Variants in FBXO38 observed in about 807,000 individuals in gnomAD.
The protein encoded by FBXO38 is F-box protein 38, also known as F-box only protein 38.
FBXO38 carries 53 observed loss-of-function variants against 131.9 expected under a neutral mutation model. That is an observed-to-expected ratio of 0.40 (90% CI 0.32 to 0.51). The LOEUF is 0.51. Among genes scored for constraint, FBXO38 ranks in the 20% least tolerant of loss-of-function variants. The probability of loss-of-function intolerance (pLI) is 0.53; values close to 1 mark genes in which losing one functional copy is unlikely to be tolerated. For synonymous variants in FBXO38, 452 were observed against 505.6 expected, an observed-to-expected ratio of 0.89 and a Z score of 1.42; for missense variants, 1,076 against 1,475.6, an observed-to-expected ratio of 0.73 and a Z score of 4.44.
chr5:148,424,177 G>A, intron 13 of FBXO38, 60 bp downstream of exon 13: 1 of 1,526,546 alleles, frequency 6.6e-7, no homozygotes, highest in Non-Finnish European at 8.9e-7. Context: ...CTGTAATGAA[G>A]TACATGAGAC....
At chr5:148,392,504 T>C (rs2113494900) in intron 1 of FBXO38, among the ~76,000 whole-genome samples, 1 of 151,932 alleles carries the variant, frequency 6.6e-6, no homozygotes, top group Admixed American at 6.6e-5. Context: ...AAATTTCTGA[T>C]AGGCAGAGGA....
chr5:148,434,293 T>C (rs569867779), intron 17 of FBXO38: 8 of 152,306 alleles, frequency 5.3e-5, no homozygotes, highest in African/African-American at 1.9e-4. Flanking sequence ...AGTGCACCTT[T>C]TATGTCTTTC....
At chr5:148,438,100 G>C (rs1754455485) in intron 17 of FBXO38, among the ~76,000 whole-genome samples, 1 of 152,054 alleles carries the variant, frequency 6.6e-6, no homozygotes, top group Non-Finnish European at 1.5e-5. Flanking sequence ...CTGAGACTTG[G>C]TTTTCTTAAC....
At chr5:148,433,011 G>A (rs1754123089) in intron 15 of FBXO38, among the ~76,000 whole-genome samples, 1 of 152,198 alleles carries the variant, frequency 6.6e-6, no homozygotes, top group African/African-American at 2.4e-5. Context: ...AGTATGGTAT[G>A]GAGAGTGGAC....
rs55667300 is a variant in FBXO38, at chr5:148,392,581, TTGTGTGTGTGTG to T, written c.-63-2105_-63-2094del. Among the ~76,000 whole-genome samples the T allele has an allele frequency of 9.4e-4, 134 of 141,948 alleles. 4 individuals are homozygous for T. The South Asian group carries it at 0.028, about 30-fold the overall frequency. 93.1% of individuals were successfully genotyped at this position (141,948 alleles called of 152,430 possible). ...AAATTTTTTCTTTTTTTGCTTTTCT[TTGTGTGTGTGTG>T]TGTGTGTGTGTGTGTGTGTGTGTGT... On this transcript the variant is annotated intron_variant, in intron 1 of 21. Coordinates refer to ENST00000340253, the MANE Select transcript of FBXO38 (RefSeq NM_205836.3).
chr5:148,427,488 A>G lies in FBXO38; in HGVS notation c.2194A>G (p.Asn732Asp). ...SQSPDFVRTV[N>D]SGGSSEPSPT... ...AAGCCCCGACTTTGTAAGGACGGTG[A>G]ACAGCGGCGGCTCTTCCGAGCCTAG... Residue 732 changes from asparagine to aspartate, a missense_variant, in exon 15 of 22, where the codon AAC (asparagine) becomes GAC (aspartate). Around this residue, in one of 8 missense-constraint regions of FBXO38, gnomAD observed 213 missense variants for 225.2 expected, o/e 0.95. Coordinates refer to ENST00000340253, the MANE Select transcript of FBXO38 (RefSeq NM_205836.3). The G allele has an allele frequency of 6.2e-7, 1 of 1,614,230 alleles. No individual in the cohort carries two copies. The highest frequency in any genetic ancestry group is 8.5e-7 in the Non-Finnish European group (1 of 1,180,042).
Position 148,425,538 on chromosome 5 carries a change from G to C in FBXO38, c.1755G>C (p.Gln585His). ...DEEQAGPSGL[Q>H]RVVKPTSITV... Reference sequence around the variant, plus strand: ...TTTTTTAAGGACCCAGTGGTCTTCAGCGTGTAGTAAAACCAACCTCAATTA... The same window carrying C: ...TTTTTTAAGGACCCAGTGGTCTTCACCGTGTAGTAAAACCAACCTCAATTA... Residue 585 changes from glutamine (Q) to histidine (H), a missense_variant, in exon 14 of 22, where the codon CAG (glutamine) becomes CAC (histidine). By Grantham distance (24) the Gln-to-His change is conservative. Coordinates refer to ENST00000340253, the MANE Select transcript of FBXO38 (RefSeq NM_205836.3). 1.9e-6 allele frequency: 3 copies of C among 1,613,432 alleles called. No individual in the cohort carries two copies. The highest frequency in any genetic ancestry group is 2.5e-6 in the Non-Finnish European group (3 of 1,179,526).
chr5:148,419,575 T>C (rs531224991), intron 12 of FBXO38, among the ~76,000 whole-genome samples: 1 of 152,182 alleles, frequency 6.6e-6, no homozygotes, highest in East Asian at 1.9e-4. Flanking sequence ...CTCTCCTTGA[T>C]GTACAATTTG....
chr5:148,427,408 G>A lies in FBXO38; in HGVS notation c.2114G>A (p.Ser705Asn), dbSNP rs1013990216. The A allele has an allele frequency of 1.2e-6, 2 of 1,614,190 alleles. No homozygotes were observed. The highest frequency in any genetic ancestry group is 1.6e-4 in the Middle Eastern group (1 of 6,062). ...KKNKDVYPSC[S>N]STTASTVGNS... ...AACAAGGATGTTTATCCCAGCTGCA[G>A]CAGCACCACCGCCAGCACAGTGGGA... The change falls in exon 15 of 22, where the codon AGC (serine) becomes AAC (asparagine). Residue 705 changes from serine to asparagine, a missense_variant. Transcript: ENST00000340253.
chr5:148,428,011 T>G, intron 15 of FBXO38, 64 bp downstream of exon 15: 3 of 1,403,094 alleles, frequency 2.1e-6, no homozygotes, highest in Non-Finnish European at 2.8e-6. Flanking sequence ...TGAACTTGTT[T>G]CATGAGTTTT....
At chr5:148,404,656 G>A (rs775094778) in intron 5 of FBXO38, 29 bp from the exon 6 acceptor site, 3 of 1,507,762 alleles carry the variant, frequency 2.0e-6, no homozygotes, top group Non-Finnish European at 2.7e-6. Context: ...TTTTTTTCTT[G>A]TTTGTTCTTT....
intron 1 of FBXO38, among the ~76,000 whole-genome samples, chr5:148,385,923 A>G (rs1264311128): frequency 6.6e-6 from 1 of 152,178 alleles, no homozygotes; most frequent in East Asian, 1.9e-4. Context: ...TCACGAGGGT[A>G]AAGAAAAGTA....
chr5:148,426,393 A>G (rs868860275), intron 14 of FBXO38, among the ~76,000 whole-genome samples: 1 of 152,242 alleles, frequency 6.6e-6, no homozygotes, highest in African/African-American at 2.4e-5. Context: ...ACATTTATGT[A>G]GTACTATTAT....
At chr5:148,434,599 G>A (rs1240855299) in intron 17 of FBXO38, 1 of 152,112 alleles carries the variant, frequency 6.6e-6, no homozygotes, top group Non-Finnish European at 1.5e-5. Context: ...AAATGTTTGT[G>A]TATGTGTATG....
chr5:148,403,795 G>T (rs1752294432), intron 5 of FBXO38, among the ~76,000 whole-genome samples: 1 of 152,120 alleles, frequency 6.6e-6, no homozygotes, highest in African/African-American at 2.4e-5. Context: ...AGTTATTCTT[G>T]CTAGCAGAGC....
At chr5:148,415,070 A>G (rs1752973335) in intron 10 of FBXO38, among the ~76,000 whole-genome samples, 3 of 152,204 alleles carry the variant, frequency 2.0e-5, no homozygotes, top group South Asian at 4.1e-4. Context: ...TGCTGAGATC[A>G]CTCGTTAATA....
At position 148,399,109 on chromosome 5, in the gene FBXO38, G is replaced by A. The variant is rs751167811; in HGVS notation, c.239G>A (p.Arg80Gln). ...AGAGTTGTAGATCTCTGTGCAGGGC[G>A]GTGGTGGGAATACATGCCAAGTGGT... ...VVRVVDLCAG[R>Q]WWEYMPSGFT... Residue 80 changes from arginine to glutamine, a missense_variant, in exon 3 of 22, where the codon CGG becomes CAG. Physicochemically the swap from Arg to Gln is conservative, Grantham distance 43. This residue lies in a region of FBXO38 where 96 missense variants were observed against 193.9 expected (regional missense o/e 0.50). Coordinates refer to ENST00000340253, the MANE Select transcript of FBXO38 (RefSeq NM_205836.3). 46 of 1,613,194 alleles carry A rather than the reference G, an allele frequency of 2.9e-5. No individual in the cohort carries two copies. The highest frequency in any genetic ancestry group is 1.7e-4 in the Middle Eastern group (1 of 6,050).
intron 2 of FBXO38, among the ~76,000 whole-genome samples, chr5:148,396,991 T>G (rs2113514161): frequency 6.6e-6 from 1 of 152,220 alleles, no homozygotes; most frequent in East Asian, 1.9e-4. Flanking sequence ...TAGAATCAAG[T>G]CAATATATAA....
chr5:148,391,890 G>A (rs1172022161), intron 1 of FBXO38, among the ~76,000 whole-genome samples: 1 of 152,054 alleles, frequency 6.6e-6, no homozygotes, highest in Non-Finnish European at 1.5e-5. Context: ...ATAAAATGTT[G>A]TATGCAGACA....
Sources: gnomAD v4.1 joint callset for allele counts (sites outside exome capture counted in the v4.1 genomes callset) on GRCh38, gnomAD v4.1.1 for gene constraint, gnomAD v4.1.1 regional missense constraint, MANE v1.5 for transcripts, NCBI Gene and HGNC (gene_info 2026-07-23, HGNC 2026-07-21) for gene names.